LGR5: variants seen among roughly 807,000 people sequenced by gnomAD.
The protein encoded by LGR5 is leucine-rich repeat-containing G protein-coupled receptor 5.
Under a neutral mutation model 76.7 loss-of-function variants are expected in LGR5, and 54 were observed. That is an observed-to-expected ratio of 0.70 (90% CI 0.57 to 0.88). The LOEUF (loss-of-function observed/expected upper bound fraction) is 0.88. LGR5 is among the 40% of genes least tolerant of loss of function. The probability of loss-of-function intolerance (pLI) is 0.00; values close to 1 mark genes in which losing one functional copy is unlikely to be tolerated. For missense variants in LGR5, 1,078 were observed against 1,073.3 expected, an observed-to-expected ratio of 1.00 and a Z score of -0.06; for synonymous variants, 406 against 421.9, an observed-to-expected ratio of 0.96 and a Z score of 0.46.
At chr12:71,548,831 C>T (rs1486574215) in intron 4 of LGR5, among the ~76,000 whole-genome samples, 1 of 151,860 alleles carries the variant, frequency 6.6e-6, no homozygotes, top group Non-Finnish European at 1.5e-5. Context: ...CACACACACA[C>T]ACACACACAC....
At chr12:71,487,739 T>C (rs999481479) in intron 1 of LGR5, among the ~76,000 whole-genome samples, 3 of 152,212 alleles carry the variant, frequency 2.0e-5, no homozygotes, top group Admixed American at 6.5e-5. Flanking sequence ...ATCATGGTCA[T>C]GTTTTCATGT....
chr12:71,550,376 C>T (rs191459825), intron 4 of LGR5, among the ~76,000 whole-genome samples: 1 of 151,532 alleles, frequency 6.6e-6, no homozygotes, highest in Admixed American at 6.6e-5. Flanking sequence ...GTCTTGATCT[C>T]CTGACCTCTG....
intron 1 of LGR5, among the ~76,000 whole-genome samples, chr12:71,452,333 C>A (rs1284599118): frequency 6.6e-6 from 1 of 152,188 alleles, no homozygotes; most frequent in Non-Finnish European, 1.5e-5. Flanking sequence ...TGCATCTGGG[C>A]AACTTCAAAA....
chr12:71,498,866 G>A (rs187174326), intron 1 of LGR5, among the ~76,000 whole-genome samples: 1 of 152,198 alleles, frequency 6.6e-6, no homozygotes, highest in Admixed American at 6.5e-5. Flanking sequence ...TGCAGTAAGA[G>A]GACAGGTGCC....
At chr12:71,566,332 T>C in intron 8 of LGR5, 72 bp from the exon 9 acceptor site, 1 of 948,776 alleles carries the variant, frequency 1.1e-6, no homozygotes, top group Non-Finnish European at 1.7e-6. Context: ...CTGTATTTGT[T>C]CAAATTTTGA....
intron 16 of LGR5, chr12:71,582,233 T>C (rs1476767703): frequency 2.1e-6 from 1 of 471,532 alleles, no homozygotes; most frequent in East Asian, 3.5e-5. Flanking sequence ...ACACCCGGCG[T>C]CTTGGGTCAC....
intron 1 of LGR5, among the ~76,000 whole-genome samples, chr12:71,445,251 A>G (rs1485767190): frequency 3.9e-5 from 6 of 152,166 alleles, no homozygotes; most frequent in African/African-American, 1.2e-4. Flanking sequence ...CAGTTGCAAT[A>G]TTTTCCTTTA....
At position 71,439,903 on chromosome 12, in the gene LGR5, T is replaced by C. The variant is rs931642066; in HGVS notation, c.-178T>C. On this transcript the variant is annotated 5_prime_UTR_variant, in exon 1 of 18. Coordinates refer to ENST00000266674, the MANE Select transcript of LGR5 (RefSeq NM_003667.4). ...GGCGTGGCGGCAACCGGCACCTCTG[T>C]CCCCGCCGCGCTTCTCCTCGCCGCC... 3.4e-6 allele frequency: 2 copies of C among 579,838 alleles called. No homozygotes were observed. Among genetic ancestry groups the C allele is most frequent in the Non-Finnish European group, 5.9e-6 (2 of 340,958 alleles). 35.9% of individuals were successfully genotyped at this position (579,838 alleles called of 1,614,324 possible).
intron 4 of LGR5, among the ~76,000 whole-genome samples, chr12:71,552,442 G>A (rs576939885): frequency 5.9e-4 from 89 of 151,990 alleles, no homozygotes; most frequent in African/African-American, 2.1e-3. Flanking sequence ...GCAGACGCCT[G>A]TAATCCCAGC....
At chr12:71,491,401 T>C (rs905497642) in intron 1 of LGR5, among the ~76,000 whole-genome samples, 1 of 152,150 alleles carries the variant, frequency 6.6e-6, no homozygotes. Context: ...TGACTTTTTT[T>C]TTGTTCAGGT....
chr12:71,525,859 G>T (rs190906476), intron 3 of LGR5, among the ~76,000 whole-genome samples: 1 of 150,566 alleles, frequency 6.6e-6, no homozygotes, highest in Admixed American at 6.6e-5. Context: ...TTAAATCCTT[G>T]AATTCTTAAA....
At chr12:71,467,221 CT>C (rs1872902700) in intron 1 of LGR5, among the ~76,000 whole-genome samples, 1 of 152,122 alleles carries the variant, frequency 6.6e-6, no homozygotes, top group Non-Finnish European at 1.5e-5. Flanking sequence ...AAAGCCTGTA[CT>C]TTCCCCAGGA....
Position 71,491,395 on chromosome 12 carries a change from T to A in LGR5, c.213-13219T>A, listed in dbSNP as rs146120938. On this transcript the variant is annotated intron_variant, in intron 1 of 17. Coordinates refer to ENST00000266674, the MANE Select transcript of LGR5 (RefSeq NM_003667.4). Reference sequence around the variant, plus strand: ...GAGTCTAGGGAAACCTTAGATTGACTTTTTTTTTGTTCAGGTGAGAGGGAA... The same window carrying A: ...GAGTCTAGGGAAACCTTAGATTGACATTTTTTTTGTTCAGGTGAGAGGGAA... 9.2e-3 allele frequency among the ~76,000 whole-genome samples: 1,388 copies of A among 151,560 alleles called. 18 individuals carry two copies. The highest frequency in any genetic ancestry group is 0.032 in the African/African-American group (1,330 of 41,360).
chr12:71,475,588 T>G (rs565622872), intron 1 of LGR5, among the ~76,000 whole-genome samples: 1 of 152,274 alleles, frequency 6.6e-6, no homozygotes, highest in Middle Eastern at 3.4e-3. Context: ...TCTCTTATGC[T>G]GCGACGCTCT....
rs1283625948 is a variant in LGR5, at chr12:71,531,725, G to A, written c.357-3390G>A. On this transcript the variant is annotated intron_variant, in intron 3 of 17. Transcript: ENST00000266674. ...GCTGCTAAAAATATAAAAATTAGCC[G>A]GCGGTAGTGGCGCACGCCTCTAATC... Among the ~76,000 whole-genome samples, 7 of 152,038 alleles carry A rather than the reference G, an allele frequency of 4.6e-5. No homozygotes were observed. In the East Asian group the frequency reaches 5.8e-4, roughly 13 times the overall value.
At chr12:71,481,809 A>AT (rs907416318) in intron 1 of LGR5, among the ~76,000 whole-genome samples, 9 of 151,654 alleles carry the variant, frequency 5.9e-5, no homozygotes, top group Admixed American at 1.3e-4. Flanking sequence ...CTTTTAGAAG[A>AT]TTTTTTTTTG....
intron 1 of LGR5, among the ~76,000 whole-genome samples, chr12:71,484,803 G>A (rs374532839): frequency 1.7e-3 from 254 of 152,220 alleles, no homozygotes; most frequent in African/African-American, 5.8e-3. Flanking sequence ...AATATAAATA[G>A]GGCAGAGGAA....
intron 1 of LGR5, among the ~76,000 whole-genome samples, chr12:71,499,171 G>A (rs963894012): frequency 6.6e-6 from 1 of 152,144 alleles, no homozygotes; most frequent in Non-Finnish European, 1.5e-5. Flanking sequence ...CAGGGGCTAG[G>A]GAGTTGAGAG....
At chr12:71,480,062 C>T (rs990906615) in intron 1 of LGR5, among the ~76,000 whole-genome samples, 17 of 152,052 alleles carry the variant, frequency 1.1e-4, no homozygotes, top group Admixed American at 9.2e-4. Flanking sequence ...AGTGGCCAAA[C>T]ACTTAAGAAT....
Sources: gnomAD v4.1 joint callset for allele counts (sites outside exome capture counted in the v4.1 genomes callset) on GRCh38, gnomAD v4.1.1 for gene constraint, MANE v1.5 for transcripts, NCBI Gene and HGNC (gene_info 2026-07-23, HGNC 2026-07-21) for gene names.